TTN: variants seen among roughly 807,000 people sequenced by gnomAD.
TTN encodes the protein titin, also known as connectin.
TTN carries 1,525 observed loss-of-function variants against 3,223.0 expected under a neutral mutation model. That is an observed-to-expected ratio of 0.47 (90% CI 0.45 to 0.49). The LOEUF is 0.49. Among genes scored for constraint, TTN ranks in the 20% least tolerant of loss-of-function variants. The probability of loss-of-function intolerance (pLI) is 0.00; values close to 1 mark genes in which losing one functional copy is unlikely to be tolerated. For synonymous variants in TTN, 14,094 were observed against 15,161.0 expected (o/e 0.93, Z 5.17); for missense variants, 40,786 against 43,424.0 (o/e 0.94, Z 5.40).
chr2:178,540,489 G>A, intron 350 of TTN, 119 bp from the exon 351 acceptor site: 1 of 908,598 alleles, frequency 1.1e-6, no homozygotes, highest in Non-Finnish European at 1.6e-6. Flanking sequence ...CTGTTTTTTT[G>A]TCTTGTGAAA....
rs943280773 is a variant in TTN, at chr2:178,773,564, T to C, written c.7492A>G (p.Thr2498Ala). ...DDRVQAIVKG[T>A]KQRLVINRTH... is the part of the protein sequence containing the mutation. ...CGGTTAATGACTAGTCGCTGTTTAG[T>C]ACCTTTCACAATGGCCTGTACACGG... The change falls in exon 32 of 363, where the codon ACT becomes GCT. Residue 2498 changes from threonine (T) to alanine (A), a missense_variant. By Grantham distance (58) the Thr-to-Ala change is moderately conservative (BLOSUM62 0). Transcript: ENST00000589042. The C allele has an allele frequency of 1.9e-6, 3 of 1,614,110 alleles. No individual in the cohort carries two copies. Among genetic ancestry groups the C allele is most frequent in the Admixed American group, 1.7e-5 (1 of 60,004 alleles).
chr2:178,697,450 T>C (rs1011285101), intron 112 of TTN, among the ~76,000 whole-genome samples: 20 of 152,196 alleles, frequency 1.3e-4, no homozygotes, highest in African/African-American at 4.8e-4. Context: ...TAGTTTAGAT[T>C]GATTTCTAAT....
Position 178,740,734 on chromosome 2 carries a change from G to A in TTN, c.12499C>T (p.Leu4167=). 6.2e-7 allele frequency: 1 copy of A among 1,613,770 alleles called. No homozygotes were observed. Among genetic ancestry groups the A allele is most frequent in the Non-Finnish European group, 8.5e-7 (1 of 1,179,806 alleles). ...TGTGTCTCAGGCTCTTCAGGCATTAGAATACCTTCTTTGGAGAAGGTTTTC... is the reference window on the plus strand; with the variant it reads ...TGTGTCTCAGGCTCTTCAGGCATTAAAATACCTTCTTTGGAGAAGGTTTTC... The part of the protein sequence containing the change: ...SQKTFSKEGI[L]MPEEPETQAV... Residue 4167 remains leucine, a synonymous_variant, in exon 48 of 363, where the codon CTA becomes TTA. Coordinates refer to ENST00000589042, the MANE Select transcript of TTN (RefSeq NM_001267550.2).
Position 178,616,643 on chromosome 2 carries a change from G to A in TTN, c.48161-13C>T. On this transcript the variant is annotated splice_polypyrimidine_tract_variant and intron_variant, in intron 256 of 362. Coordinates refer to ENST00000589042, the MANE Select transcript of TTN (RefSeq NM_001267550.2). Reference sequence around the variant, plus strand: ...GCACTTGGGCGAGCTGAAAAAAAATGCACTCACGAGTCACTGTTAATAGTC... The same window carrying A: ...GCACTTGGGCGAGCTGAAAAAAAATACACTCACGAGTCACTGTTAATAGTC... 6.2e-7 allele frequency: 1 copy of A among 1,611,938 alleles called. No homozygotes were observed. Among genetic ancestry groups the A allele is most frequent in the Non-Finnish European group, 8.5e-7 (1 of 1,178,850 alleles).
chr2:178,677,545 G>A, intron 146 of TTN, 76 bp downstream of exon 146: 1 of 1,418,134 alleles, frequency 7.1e-7, no homozygotes, highest in South Asian at 1.5e-5. Context: ...AGATAAAACT[G>A]GAGATGAACA....
chr2:178,735,685 AC>A lies in TTN; in HGVS notation c.14760del (p.Trp4921GlyfsTer22). 4 of 1,613,804 alleles carry A rather than the reference AC, an allele frequency of 2.5e-6. No homozygotes were observed. Among genetic ancestry groups the A allele is most frequent in the Non-Finnish European group, 3.4e-6 (4 of 1,179,816 alleles). On this transcript the variant is annotated frameshift_variant, in exon 50 of 363. Coordinates refer to ENST00000589042, the MANE Select transcript of TTN (RefSeq NM_001267550.2). LOFTEE classifies it high-confidence loss of function. Reference protein sequence around the residue: ...QVDEDRKVTVTWSKDGQKLPP... With the variant: ...QVDEDRKVTVXWSKDGQKLPP... ...GGGAGTTTTTGCCCATCTTTGCTCC[AC>A]GTAACTGTGACTTTTCTGTCTTCAT...
At position 178,652,715 on chromosome 2, in the gene TTN, A is replaced by G. The variant is rs2063278512; in HGVS notation, c.38981T>C (p.Val12994Ala). 1 of 1,613,242 alleles carries G rather than the reference A, an allele frequency of 6.2e-7. No individual in the cohort carries two copies. Among genetic ancestry groups the G allele is most frequent in the Non-Finnish European group, 8.5e-7 (1 of 1,179,514 alleles). Reference protein sequence around the residue: ...PVKVPEAPKEVVPEKKVPSAP... With the variant: ...PVKVPEAPKEAVPEKKVPSAP... ...CGAGGGCACTTTCTTTTCAGGAACAACCTCTTTGGGAGCCTCTGGTACTTA... is the reference window on the plus strand; with the variant it reads ...CGAGGGCACTTTCTTTTCAGGAACAGCCTCTTTGGGAGCCTCTGGTACTTA... The change falls in exon 201 of 363, where the codon GTT (valine) becomes GCT (alanine). Residue 12994 changes from valine to alanine, a missense_variant. Physicochemically the swap from Val to Ala is moderately conservative, Grantham distance 64. Transcript: ENST00000589042.
chr2:178,692,484 A>G lies in TTN; in HGVS notation c.31678+13T>C, dbSNP rs1262266370. Reference sequence around the variant, plus strand: ...GATGCTAAGAATTATTTTTTTCACAAATATTATTCTACCTTTTGGTGCTGG... The same window carrying G: ...GATGCTAAGAATTATTTTTTTCACAGATATTATTCTACCTTTTGGTGCTGG... On this transcript the variant is annotated intron_variant, in intron 120 of 362. Transcript: ENST00000589042. 1.3e-6 allele frequency: 2 copies of G among 1,560,390 alleles called. No homozygotes were observed. The highest frequency in any genetic ancestry group is 8.7e-7 in the Non-Finnish European group (1 of 1,150,036).
Position 178,730,683 on chromosome 2 carries a change from G to A in TTN, c.17850C>T (p.Ile5950=). Reference sequence around the variant, plus strand: ...TTTCTTGGTCATCTTTGAACCACTGGATGCTTATGGGATGTGACCCAGCCA... The same window carrying A: ...TTTCTTGGTCATCTTTGAACCACTGAATGCTTATGGGATGTGACCCAGCCA... ...CIVAGSHPIS[I]QWFKDDQEIS... The change falls in exon 61 of 363, where the codon ATC becomes ATT. Residue 5950 remains isoleucine (I), a synonymous_variant. Transcript: ENST00000589042. 1 of 1,613,626 alleles carries A rather than the reference G, an allele frequency of 6.2e-7. No individual in the cohort carries two copies. Among genetic ancestry groups the A allele is most frequent in the South Asian group, 1.1e-5 (1 of 91,074 alleles).
At chr2:178,710,378 C>T (rs1265792492) in intron 98 of TTN, among the ~76,000 whole-genome samples, 1 of 152,136 alleles carries the variant, frequency 6.6e-6, no homozygotes, top group Non-Finnish European at 1.5e-5. Flanking sequence ...ACCCAGGAGG[C>T]AGAGGTTGCA....
Position 178,728,619 on chromosome 2 carries a change from T to G in TTN, c.19307A>C (p.Glu6436Ala), listed in dbSNP as rs778366508. Residue 6436 changes from glutamate (E) to alanine (A), a missense_variant, in exon 66 of 363, where the codon GAA becomes GCA. Glu to Ala is a moderately radical substitution (Grantham distance 107, BLOSUM62 -1). Transcript: ENST00000589042. ...VPSRYFSMSF[E>A]NNVASFRIQS... ...AATTCTAAAACTGGCCACGTTATTT[T>G]CAAAACTCATTGAAAAGTATCTACT... 6.2e-7 allele frequency: 1 copy of G among 1,613,300 alleles called. No individual in the cohort carries two copies. The highest frequency in any genetic ancestry group is 2.2e-5 in the East Asian group (1 of 44,760).
chr2:178,772,969 G>A, intron 33 of TTN, 140 bp downstream of exon 33: 1 of 1,048,202 alleles, frequency 9.5e-7, no homozygotes, highest in Non-Finnish European at 1.4e-6. Context: ...GAATGGTGTT[G>A]CAAGTACTAT....
At chr2:178,780,678 T>C (rs960847479) in intron 21 of TTN, among the ~76,000 whole-genome samples, 5 of 152,220 alleles carry the variant, frequency 3.3e-5, no homozygotes, top group African/African-American at 1.2e-4. Context: ...AAATCCTGAC[T>C]TCCAGGTTTT....
chr2:178,701,710 A>T, intron 109 of TTN, 123 bp from the exon 110 acceptor site: 1 of 949,340 alleles, frequency 1.1e-6, no homozygotes. Flanking sequence ...AGAATCTAAT[A>T]TACAGACAAA....
At chr2:178,527,834 T>C in intron 361 of TTN, 86 bp from the exon 362 acceptor site, 1 of 1,273,956 alleles carries the variant, frequency 7.8e-7, no homozygotes, top group Non-Finnish European at 1.1e-6. Flanking sequence ...AAATGGAAAC[T>C]TCAACACACA....
In TTN at chr2:178,582,601, A is replaced by G. The variant is rs2048022094; in HGVS notation, c.65864-9T>C. 1 of 1,594,944 alleles carries G rather than the reference A, an allele frequency of 6.3e-7. No individual in the cohort carries two copies. On this transcript the variant is annotated splice_polypyrimidine_tract_variant and intron_variant, in intron 313 of 362. Transcript: ENST00000589042. ...TGGAGGACCCGGTTTATCTGAAGGA[A>G]TAAGGAAGAAGAGTGAATATGTGGA...
Position 178,714,414 on chromosome 2 carries a change from T to A in TTN, c.26360A>T (p.Tyr8787Phe). The A allele has an allele frequency of 6.2e-7, 1 of 1,613,796 alleles. No homozygotes were observed. Among genetic ancestry groups the A allele is most frequent in the Non-Finnish European group, 8.5e-7 (1 of 1,179,752 alleles). The change falls in exon 91 of 363, where the codon TAT becomes TTT. Residue 8787 changes from tyrosine to phenylalanine, a missense_variant. Coordinates refer to ENST00000589042, the MANE Select transcript of TTN (RefSeq NM_001267550.2). The stretch of plus-strand genomic sequence containing the variant: ...CTGTAAGGTTGCAATGTTTTCTGAA[T>A]AAGAAATCCATATGTTGTCACTTTC... ...VRESDNIWISYSENIATLQFS... is the reference protein window; with the variant it reads ...VRESDNIWISFSENIATLQFS...
In TTN at chr2:178,614,268, C is replaced by G. The variant is rs757542062; in HGVS notation, c.49129G>C (p.Asp16377His). 6.2e-7 allele frequency: 1 copy of G among 1,612,610 alleles called. No individual in the cohort carries two copies. The highest frequency in any genetic ancestry group is 8.5e-7 in the Non-Finnish European group (1 of 1,179,252). Residue 16377 changes from aspartate to histidine, a missense_variant, in exon 262 of 363, where the codon GAT becomes CAT. Coordinates refer to ENST00000589042, the MANE Select transcript of TTN (RefSeq NM_001267550.2). ...TTTGTGATCTTAGATCCACCATCAT[C>G]GCGTGGTGGGTTCCATGTTAGAAGA... is the stretch of plus-strand genomic sequence containing the variant. The part of the protein sequence containing the change: ...SCLLTWNPPR[D>H]DGGSKITNYV...
chr2:178,547,995 T>C lies in TTN; in HGVS notation c.93631A>G (p.Ile31211Val). 6.2e-7 allele frequency: 1 copy of C among 1,613,668 alleles called. No individual in the cohort carries two copies. The highest frequency in any genetic ancestry group is 8.5e-7 in the Non-Finnish European group (1 of 1,179,720). ...FSSVIIKEPQ[I>V]EPTADLTGIT... Reference sequence around the variant, plus strand: ...CCAGTGAGGTCAGCAGTGGGCTCGATTTGAGGCTCCTTAATGATGACAGAA... The same window carrying C: ...CCAGTGAGGTCAGCAGTGGGCTCGACTTGAGGCTCCTTAATGATGACAGAA... The change falls in exon 339 of 363, where the codon ATC becomes GTC. Residue 31211 changes from isoleucine to valine, a missense_variant. Transcript: ENST00000589042.
Sources: allele counts gnomAD v4.1 joint callset (sites outside exome capture counted in the v4.1 genomes callset), GRCh38; gene constraint gnomAD v4.1.1; transcripts MANE v1.5; gene names NCBI Gene and HGNC (gene_info 2026-07-23, HGNC 2026-07-21).